Variants in FAM184A observed in about 807,000 individuals in gnomAD.
FAM184A encodes protein FAM184A.
A neutral mutation model predicts 143.8 loss-of-function variants in FAM184A; 99 were observed. That is an observed-to-expected ratio of 0.69 (90% CI 0.58 to 0.81). The LOEUF (loss-of-function observed/expected upper bound fraction) is 0.81, where lower values mean the gene tolerates loss of function less well. Ranked by LOEUF, FAM184A falls within the 40% of genes least tolerant of loss-of-function variation. The pLI is 0.00. For missense variants in FAM184A, 1,217 were observed against 1,310.5 expected (o/e 0.93, Z 1.10); for synonymous variants, 427 against 446.4 (o/e 0.96, Z 0.55).
Position 119,098,016 on chromosome 6 carries a change from T to C in FAM184A, c.-202+51062A>G, listed in dbSNP as rs1788551667. The stretch of plus-strand genomic sequence containing the variant: ...TTTGCATCAGGAGGAGGGAGGGTGA[T>C]ATGGTTTGGCTGTGTCCACACCCCA... On this transcript the variant is annotated intron_variant, in intron 1 of 16. Transcript: ENST00000352896. Among the ~76,000 whole-genome samples, 2 of 152,104 alleles carry C rather than the reference T, an allele frequency of 1.3e-5. 1 individual carries two copies. The highest frequency in any genetic ancestry group is 4.1e-4 in the South Asian group (2 of 4,824).
At position 119,072,949 on chromosome 6, in the gene FAM184A, C is replaced by A. The variant is rs140881007; in HGVS notation, c.159+5192G>T. On this transcript the variant is annotated intron_variant, in intron 1 of 17. Coordinates refer to ENST00000338891, the MANE Select transcript of FAM184A (RefSeq NM_024581.6). ...AAAATTACTTGCTGTATCATTATGA[C>A]CACCATCTTCTTCAGTAAATACTTA... Among the ~76,000 whole-genome samples the A allele has an allele frequency of 2.6e-3, 396 of 152,046 alleles. 1 individual carries two copies. The highest frequency in any genetic ancestry group is 0.014 in the Middle Eastern group (4 of 294).
chr6:119,003,518 C>A lies in FAM184A; in HGVS notation c.1920G>T (p.Lys640Asn). The A allele has an allele frequency of 6.2e-7, 1 of 1,611,358 alleles. No homozygotes were observed. The highest frequency in any genetic ancestry group is 1.1e-5 in the South Asian group (1 of 90,268). Residue 640 changes from lysine (K) to asparagine (N), a missense_variant, in exon 8 of 18, where the codon AAG becomes AAT. By Grantham distance (94) the Lys-to-Asn change is moderately conservative. Coordinates refer to ENST00000338891, the MANE Select transcript of FAM184A (RefSeq NM_024581.6). ...VDKMAHDLEIKWTENLRQECS... is the reference protein window; with the variant it reads ...VDKMAHDLEINWTENLRQECS... ...AAATGTACCTAAGATTTTCAGTCCA[C>A]TTAATTTCTAAGTCATGGGCCATTT...
At position 118,966,928 on chromosome 6, in the gene FAM184A, A is replaced by G. The variant is rs757612185; in HGVS notation, c.2940T>C (p.Tyr980=). 4.3e-5 allele frequency: 66 copies of G among 1,549,092 alleles called. No homozygotes were observed. In the South Asian group the frequency reaches 7.2e-4, roughly 17 times the overall value. The part of the protein sequence containing the change: ...QVSLEEMEEK[Y]LMRESKPEDI... ...CTTCTGGTTTTGATTCTCTCATTAG[A>G]TATTTTTCTTCCATTTCTTCTAATC... The change falls in exon 15 of 18, where the codon TAT becomes TAC. Residue 980 remains tyrosine, a synonymous_variant. Coordinates refer to ENST00000338891, the MANE Select transcript of FAM184A (RefSeq NM_024581.6).
chr6:119,031,405 T>C (rs1785866585), intron 1 of FAM184A: 1 of 152,218 alleles, frequency 6.6e-6, no homozygotes, highest in Non-Finnish European at 1.5e-5. Flanking sequence ...CTCTCTGTAG[T>C]GTGACGACAC....
In FAM184A at chr6:119,006,464, C is replaced by T. The variant is rs556965913; in HGVS notation, c.1798G>A (p.Ala600Thr). The change falls in exon 7 of 18, where the codon GCT becomes ACT. Residue 600 changes from alanine to threonine, a missense_variant. Transcript: ENST00000338891. ...GAAATTACCTCCACATTTAATAGAG[C>T]ATCCTTGGTCTCCTTTAGGCTGTCT... Reference protein sequence around the residue: ...TKDSLKETKDALLNVEGELEQ... With the variant: ...TKDSLKETKDTLLNVEGELEQ... 1 of 1,611,262 alleles carries T rather than the reference C, an allele frequency of 6.2e-7. No individual in the cohort carries two copies. The highest frequency in any genetic ancestry group is 2.2e-5 in the East Asian group (1 of 44,856).
At chr6:119,032,693 G>C (rs1785936536) in intron 1 of FAM184A, among the ~76,000 whole-genome samples, 1 of 151,980 alleles carries the variant, frequency 6.6e-6, no homozygotes, top group South Asian at 2.1e-4. Flanking sequence ...GAAGAAAAAG[G>C]GTGGGAAAAG....
At chr6:118,995,450 T>C (rs1784517492) in intron 9 of FAM184A, among the ~76,000 whole-genome samples, 1 of 152,110 alleles carries the variant, frequency 6.6e-6, no homozygotes, top group African/African-American at 2.4e-5. Context: ...AATTTCAACA[T>C]TTAAAATACA....
At chr6:119,041,301 C>T (rs1786319171) in intron 1 of FAM184A, among the ~76,000 whole-genome samples, 1 of 152,132 alleles carries the variant, frequency 6.6e-6, no homozygotes, top group African/African-American at 2.4e-5. Context: ...ACAAGACTAG[C>T]TGGATTTCCC....
At chr6:119,134,670 GAGAA>G (rs1562164121) in intron 1 of FAM184A, among the ~76,000 whole-genome samples, 1 of 135,044 alleles carries the variant, frequency 7.4e-6, no homozygotes, top group Non-Finnish European at 1.6e-5. Flanking sequence ...AAAAAAAAAA[GAGAA>G]AGAAATAAAA....
chr6:119,054,112 T>C (rs759861283), intron 1 of FAM184A, among the ~76,000 whole-genome samples: 3 of 152,294 alleles, frequency 2.0e-5, no homozygotes, highest in South Asian at 2.1e-4. Context: ...TATAATTTAA[T>C]GACAACCTTC....
intron 1 of FAM184A, among the ~76,000 whole-genome samples, chr6:119,099,058 C>T (rs1414137819): frequency 2.6e-5 from 4 of 152,058 alleles, no homozygotes; most frequent in Admixed American, 1.3e-4. Flanking sequence ...TGCAGTGAGC[C>T]GAGATCATGC....
At chr6:118,990,924 T>C (rs73523343) in intron 9 of FAM184A, among the ~76,000 whole-genome samples, 3,620 of 151,962 alleles carry the variant, frequency 0.024, 173 homozygotes, top group African/African-American at 0.083. Flanking sequence ...TAGAGTACTA[T>C]TATGTTCCAG....
intron 1 of FAM184A, chr6:119,025,603 C>G: frequency 1.9e-6 from 1 of 518,936 alleles, no homozygotes; most frequent in Non-Finnish European, 3.8e-6. Context: ...TTTCAAATGA[C>G]AACAAATTCC....
At chr6:119,019,517 A>G (rs1785373158) in intron 4 of FAM184A, among the ~76,000 whole-genome samples, 1 of 152,266 alleles carries the variant, frequency 6.6e-6, no homozygotes, top group Non-Finnish European at 1.5e-5. Flanking sequence ...ACTGGAATAC[A>G]TATTCAGCAA....
intron 1 of FAM184A, among the ~76,000 whole-genome samples, chr6:119,127,505 T>A (rs950842862): frequency 6.6e-6 from 1 of 152,212 alleles, no homozygotes; most frequent in African/African-American, 2.4e-5. Context: ...TAACTGTCAA[T>A]GCTGGTAAAC....
intron 14 of FAM184A, among the ~76,000 whole-genome samples, chr6:118,969,674 T>C (rs538982890): frequency 1.2e-3 from 179 of 152,134 alleles, no homozygotes; most frequent in Non-Finnish European, 1.7e-3. Flanking sequence ...TTTTTAATTA[T>C]ACTTTAAGCT....
At chr6:119,135,026 C>T (rs756134845) in intron 1 of FAM184A, among the ~76,000 whole-genome samples, 13 of 152,240 alleles carry the variant, frequency 8.5e-5, no homozygotes, top group Non-Finnish European at 1.8e-4. Context: ...CTTAAAAATA[C>T]TTTCGTACAT....
At chr6:119,011,497 G>T in intron 5 of FAM184A, 66 bp from the exon 6 acceptor site, 1 of 972,752 alleles carries the variant, frequency 1.0e-6, no homozygotes. Flanking sequence ...AAGACTCTAA[G>T]AAAAAGACTA....
intron 1 of FAM184A, among the ~76,000 whole-genome samples, chr6:119,144,838 A>G (rs906543636): frequency 6.6e-6 from 1 of 152,028 alleles, no homozygotes; most frequent in Non-Finnish European, 1.5e-5. Flanking sequence ...ATATGCCTCT[A>G]TTTTGTTTGC....
Sources: gnomAD v4.1 joint callset for allele counts (sites outside exome capture counted in the v4.1 genomes callset) on GRCh38, gnomAD v4.1.1 for gene constraint, MANE v1.5 for transcripts, NCBI Gene and HGNC (gene_info 2026-07-23, HGNC 2026-07-21) for gene names.